Variants in ATG2A observed in about 807,000 individuals in gnomAD.
The protein encoded by ATG2A is autophagy-related protein 2 homolog A.
A neutral mutation model predicts 214.2 loss-of-function variants in ATG2A; 103 were observed. The ratio of observed to expected loss-of-function variants is 0.48; its 90% CI spans 0.41 to 0.57. The LOEUF is 0.57. Ranked by LOEUF, ATG2A falls within the 20% of genes least tolerant of loss-of-function variation. The pLI is 0.00. For synonymous variants in ATG2A, 1,160 were observed against 1,142.1 expected (o/e 1.02, Z -0.32); for missense variants, 2,312 against 2,613.2 (o/e 0.88, Z 2.51).
intron 1 of ATG2A, among the ~76,000 whole-genome samples, chr11:64,915,131 G>C (rs1234413113): frequency 9.3e-5 from 3 of 32,156 alleles, no homozygotes; most frequent in African/African-American, 4.0e-4. Flanking sequence ...TGCCAGATGG[G>C]ACCCCCCCCC....
Position 64,906,798 on chromosome 11 carries a change from C to G in ATG2A, c.2850G>C (p.Arg950=), listed in dbSNP as rs748058701. Residue 950 remains arginine (R), a synonymous_variant, in exon 20 of 41, where the codon CGG becomes CGC. Transcript: ENST00000377264. ...CCAGCTCCCCGTGCACAGCCTCCAG[C>G]CGCTTCCCACCCTCATCCTGCAGAA... The part of the protein sequence containing the change: ...LCETKDEGGK[R]LEAVHGELVL... 2 of 1,613,182 alleles carry G rather than the reference C, an allele frequency of 1.2e-6. No homozygotes were observed. Among genetic ancestry groups the G allele is most frequent in the South Asian group, 1.1e-5 (1 of 91,052 alleles).
At position 64,897,477 on chromosome 11, in the gene ATG2A, G is replaced by T; in HGVS notation, c.5085C>A (p.Leu1695=). 1 of 1,579,518 alleles carries T rather than the reference G, an allele frequency of 6.3e-7. No homozygotes were observed. Among genetic ancestry groups the T allele is most frequent in the Non-Finnish European group, 8.6e-7 (1 of 1,162,532 alleles). The change falls in exon 37 of 41, where the codon CTC becomes CTA. Residue 1695 remains leucine, a synonymous_variant. Coordinates refer to ENST00000377264, the MANE Select transcript of ATG2A (RefSeq NM_015104.3). ...TMDQVGTFAG[L]LIGLAQLNCS... is the part of the protein sequence containing the mutation. ...AGTTGAGTTGGGCCAGGCCGATGAG[G>T]AGGCCAGCAAAAGTGCCCTGGGAGA...
chr11:64,902,778 GC>G, intron 26 of ATG2A, 98 bp from the exon 27 acceptor site: 1 of 1,121,272 alleles, frequency 8.9e-7, no homozygotes. Flanking sequence ...TTCTGATCCT[GC>G]CACAGGCAGA....
In ATG2A at chr11:64,896,521, C is replaced by T; in HGVS notation, c.5368G>A (p.Gly1790Ser). 1 of 1,613,962 alleles carries T rather than the reference C, an allele frequency of 6.2e-7. No individual in the cohort carries two copies. The highest frequency in any genetic ancestry group is 8.5e-7 in the Non-Finnish European group (1 of 1,179,926). ...AGGGCGGCAGAGGCTGTGGATGAGCCAAAGGAGGCAGCCCCTCGCTGCAGC... is the reference window on the plus strand; with the variant it reads ...AGGGCGGCAGAGGCTGTGGATGAGCTAAAGGAGGCAGCCCCTCGCTGCAGC... ...RGLQRGAASF[G>S]SSTASAALEL... The change falls in exon 39 of 41, where the codon GGC becomes AGC. Residue 1790 changes from glycine (G) to serine (S), a missense_variant. Physicochemically the swap from Gly to Ser is moderately conservative, Grantham distance 56. Transcript: ENST00000377264.
rs367812349 is a variant in ATG2A, at chr11:64,913,292, G to A, written c.700C>T (p.Leu234=). ...HKLLQLAGVR[L]HYEELPAQEE... The stretch of plus-strand genomic sequence containing the variant: ...TGTGCCGGGAGCTCCTCGTAGTGCA[G>A]GCGGACCCCTGCCAGCTGCAGCAGC... The change falls in exon 5 of 41, where the codon CTG becomes TTG. Residue 234 remains leucine (L), a synonymous_variant. Transcript: ENST00000377264. The surrounding 1 kb of genome is among the most constrained non-coding windows in gnomAD (Gnocchi z 4.3). The A allele has an allele frequency of 6.2e-7, 1 of 1,610,794 alleles. No individual in the cohort carries two copies. The highest frequency in any genetic ancestry group is 1.3e-5 in the African/African-American group (1 of 74,906).
At chr11:64,906,962 T>A in intron 19 of ATG2A, 147 bp from the exon 20 acceptor site, 1 of 1,074,696 alleles carries the variant, frequency 9.3e-7, no homozygotes, top group Non-Finnish European at 1.3e-6. Context: ...GGATGGCACT[T>A]GCCTCTTTTG....
Position 64,909,591 on chromosome 11 carries a change from G to A in ATG2A, c.2107+90C>T, listed in dbSNP as rs1203926296. The A allele has an allele frequency of 5.8e-6, 9 of 1,561,234 alleles. No individual in the cohort carries two copies. The African/African-American group carries it at 1.1e-4, about 19-fold the overall frequency. On this transcript the variant is annotated intron_variant, in intron 14 of 40. Coordinates refer to ENST00000377264, the MANE Select transcript of ATG2A (RefSeq NM_015104.3). ...AAGGCCTGGGCCAGGGACTGCTCGG[G>A]TTGTGACTGGGCCCCTTCCATAGCC...
chr11:64,917,200 G>C lies in ATG2A; in HGVS notation c.-65C>G. ...CCGCCGGCGATCCCCGTCCGGCTCC[G>C]CTGTTCACTAGAGCCCCCGGCTCGC... On this transcript the variant is annotated 5_prime_UTR_variant, in exon 1 of 41. Coordinates refer to ENST00000377264, the MANE Select transcript of ATG2A (RefSeq NM_015104.3). The C allele has an allele frequency of 6.7e-7, 1 of 1,500,590 alleles. No homozygotes were observed. Among genetic ancestry groups the C allele is most frequent in the Non-Finnish European group, 8.9e-7 (1 of 1,117,476 alleles). 93.0% of individuals were successfully genotyped at this position (1,500,590 alleles called of 1,614,324 possible). A position where few individuals can be genotyped will look rare whatever the true frequency, so the allele number is the denominator to read the frequency against.
In ATG2A at chr11:64,896,630, G is replaced by C. The variant is rs908835890; in HGVS notation, c.5273-14C>G. 5.6e-6 allele frequency: 9 copies of C among 1,611,494 alleles called. No homozygotes were observed. Among genetic ancestry groups the C allele is most frequent in the African/African-American group, 1.3e-5 (1 of 74,892 alleles). On this transcript the variant is annotated splice_polypyrimidine_tract_variant and intron_variant, in intron 38 of 40. Transcript: ENST00000377264. ...GGAACCCTTGGACTAGGGGGAAGGA[G>C]CGCTCAGAGACACCCGAGGCTGCCC...
Position 64,902,184 on chromosome 11 carries a change from A to G in ATG2A, c.3905-8T>C. 1 of 1,612,528 alleles carries G rather than the reference A, an allele frequency of 6.2e-7. No individual in the cohort carries two copies. The highest frequency in any genetic ancestry group is 8.5e-7 in the Non-Finnish European group (1 of 1,179,772). Reference sequence around the variant, plus strand: ...CCTGAGGGAGGTGGCCACCTATAGGAGAGAGGCCAGTTTGGAGAGGCGCCC... The same window carrying G: ...CCTGAGGGAGGTGGCCACCTATAGGGGAGAGGCCAGTTTGGAGAGGCGCCC... On this transcript the variant is annotated splice_polypyrimidine_tract_variant and splice_region_variant and intron_variant, in intron 28 of 40. Coordinates refer to ENST00000377264, the MANE Select transcript of ATG2A (RefSeq NM_015104.3).
In ATG2A at chr11:64,913,795, T is replaced by G. The variant is rs755709418; in HGVS notation, c.590+26A>C. 1.2e-6 allele frequency: 2 copies of G among 1,605,616 alleles called. No homozygotes were observed. On this transcript the variant is annotated intron_variant, in intron 4 of 40. Transcript: ENST00000377264. This position sits in a 1 kb window ranked among gnomAD's most constrained non-coding sequence, Gnocchi z 4.3. Reference sequence around the variant, plus strand: ...CCCCCACTCCCCATCTTCACACCAGTCCACCCCAGATCGGCCTGCCCTTAC... The same window carrying G: ...CCCCCACTCCCCATCTTCACACCAGGCCACCCCAGATCGGCCTGCCCTTAC...
At chr11:64,905,534 G>C (rs1944510993) in intron 24 of ATG2A, 29 bp downstream of exon 24, 1 of 1,594,898 alleles carries the variant, frequency 6.3e-7, no homozygotes, top group Admixed American at 1.8e-5. Context: ...GCGAGGGTGG[G>C]ATGGCCCAGT....
rs751486893 is a variant in ATG2A at position 64,909,794 on chromosome 11, C to T, written c.1994G>A (p.Arg665Gln). The change falls in exon 14 of 41, where the codon CGG becomes CAG. Residue 665 changes from arginine (R) to glutamine (Q), a missense_variant. By Grantham distance (43) the Arg-to-Gln change is conservative. Coordinates refer to ENST00000377264, the MANE Select transcript of ATG2A (RefSeq NM_015104.3). Reference protein sequence around the residue: ...EPDPWAGQAVRAEQLRLELSE... With the variant: ...EPDPWAGQAVQAEQLRLELSE... Reference sequence around the variant, plus strand: ...CAGCTCCAGCCGAAGCTGCTCAGCCCGCACGGCCTGGCCCGCCCAGGGGTC... The same window carrying T: ...CAGCTCCAGCCGAAGCTGCTCAGCCTGCACGGCCTGGCCCGCCCAGGGGTC... 5.6e-6 allele frequency: 9 copies of T among 1,612,188 alleles called. No individual in the cohort carries two copies. The highest frequency in any genetic ancestry group is 4.0e-5 in the African/African-American group (3 of 74,948).
At chr11:64,901,345 G>A (rs1944345096) in intron 29 of ATG2A, among the ~76,000 whole-genome samples, 1 of 152,094 alleles carries the variant, frequency 6.6e-6, no homozygotes, top group Admixed American at 6.5e-5. Flanking sequence ...CACCATATCT[G>A]GCTAATTTTA....
In ATG2A at chr11:64,906,159, G is replaced by C; in HGVS notation, c.3218C>G (p.Thr1073Ser). The change falls in exon 22 of 41, where the codon ACC becomes AGC. Residue 1073 changes from threonine (T) to serine (S), a missense_variant. Thr to Ser is a moderately conservative substitution (Grantham distance 58, BLOSUM62 1). Transcript: ENST00000377264. ...GGGCAGGGCCATGTAGTGGCGCAAG[G>C]TGGCTTTGTGCAACCGCAGTGTCAC... The part of the protein sequence containing the change: ...FLVTLRLHKA[T>S]LRHYMALPEQ... 1 of 1,605,616 alleles carries C rather than the reference G, an allele frequency of 6.2e-7. No individual in the cohort carries two copies. The highest frequency in any genetic ancestry group is 8.5e-7 in the Non-Finnish European group (1 of 1,176,358).
Position 64,900,798 on chromosome 11 carries a change from C to G in ATG2A, c.4328+86G>C, listed in dbSNP as rs1456978676. ...AGGCCCACCTGGGGTGGATGGGGCT[C>G]AAGGTCTCCAGCTGCTGAAAGTCAG... On this transcript the variant is annotated intron_variant, in intron 30 of 40. Coordinates refer to ENST00000377264, the MANE Select transcript of ATG2A (RefSeq NM_015104.3). The G allele has an allele frequency of 1.2e-5, 18 of 1,469,076 alleles. 1 individual carries two copies. Among genetic ancestry groups the G allele is most frequent in the Non-Finnish European group, 1.4e-5 (16 of 1,104,258 alleles). 91.0% of individuals were successfully genotyped at this position (1,469,076 alleles called of 1,614,324 possible).
chr11:64,894,788 G>A lies in ATG2A; in HGVS notation c.*185C>T. ...TCCCCGGAGGAAAAGTGCAGAGCCAGGGCTAAGGCCCCAAGGCAGGGAGGC... is the reference window on the plus strand; with the variant it reads ...TCCCCGGAGGAAAAGTGCAGAGCCAAGGCTAAGGCCCCAAGGCAGGGAGGC... On this transcript the variant is annotated 3_prime_UTR_variant, in exon 41 of 41. Transcript: ENST00000377264. The A allele has an allele frequency of 1.3e-6, 1 of 791,712 alleles. No homozygotes were observed. The highest frequency in any genetic ancestry group is 1.4e-5 in the South Asian group (1 of 71,816). The allele number at this position is 791,712 out of a possible 1,614,324, so 49.0% of individuals were successfully genotyped here.
chr11:64,907,612 C>T lies in ATG2A; in HGVS notation c.2560G>A (p.Asp854Asn), dbSNP rs150704598. 2.4e-5 allele frequency: 37 copies of T among 1,551,954 alleles called. No individual in the cohort carries two copies. The highest frequency in any genetic ancestry group is 4.3e-5 in the African/African-American group (3 of 69,144). Residue 854 changes from aspartate (D) to asparagine (N), a missense_variant, in exon 18 of 41, where the codon GAC becomes AAC. Physicochemically the swap from Asp to Asn is conservative, Grantham distance 23. Coordinates refer to ENST00000377264, the MANE Select transcript of ATG2A (RefSeq NM_015104.3). ...WEPADLLPTP[D>N]PAAQPSGFPG... The stretch of plus-strand genomic sequence containing the variant: ...AAGCCCGAGGGCTGGGCGGCGGGGT[C>T]GGGGGTGGGAAGCAGATCTGCAGGC...
In ATG2A at chr11:64,895,300, G is replaced by C; in HGVS notation, c.5570C>G (p.Thr1857Arg). ...CGGGGGCCTGGTCACCTCTCGCACT[G>C]TGTCGTAGGCCTTGGCCACACCCTC... Reference protein sequence around the residue: ...LREGVAKAYDTVREGILDTAQ... With the variant: ...LREGVAKAYDRVREGILDTAQ... The change falls in exon 40 of 41, where the codon ACA becomes AGA. Residue 1857 changes from threonine to arginine, a missense_variant. Thr to Arg is a moderately conservative substitution (Grantham distance 71). Transcript: ENST00000377264. The surrounding 1 kb of genome is among the most constrained non-coding windows in gnomAD (Gnocchi z 5.0). 2 of 1,613,428 alleles carry C rather than the reference G, an allele frequency of 1.2e-6. No homozygotes were observed. The highest frequency in any genetic ancestry group is 1.7e-6 in the Non-Finnish European group (2 of 1,179,894).
Sources: allele counts gnomAD v4.1 joint callset (sites outside exome capture counted in the v4.1 genomes callset), GRCh38; gene constraint gnomAD v4.1.1; non-coding constraint Gnocchi (gnomAD v3.1); transcripts MANE v1.5; gene names NCBI Gene and HGNC (gene_info 2026-07-23, HGNC 2026-07-21).